Variants in IQGAP2 observed in about 807,000 individuals in gnomAD.
The protein encoded by IQGAP2 is IQ motif containing GTPase activating protein 2.
In IQGAP2, 173 loss-of-function variants were observed where a neutral mutation model predicts 201.3. The observed-to-expected ratio is 0.86, with a 90% CI of 0.76 to 0.98. IQGAP2 has a LOEUF of 0.98. Ranked by LOEUF, IQGAP2 falls within the 50% of genes least tolerant of loss-of-function variation. IQGAP2 has a pLI of 0.00. For missense variants in IQGAP2, 1,687 were observed against 1,864.8 expected (o/e 0.90, Z 1.76); for synonymous variants, 675 against 673.9 (o/e 1.00, Z -0.03).
chr5:76,488,844 G>A (rs1756335936), intron 2 of IQGAP2, among the ~76,000 whole-genome samples: 2 of 152,230 alleles, frequency 1.3e-5, no homozygotes, highest in South Asian at 2.1e-4. Context: ...CTTGGTGTGC[G>A]GGCTTGGGAA....
intron 34 of IQGAP2, among the ~76,000 whole-genome samples, chr5:76,702,088 C>T (rs1039917213): frequency 6.6e-6 from 1 of 152,222 alleles, no homozygotes; most frequent in Non-Finnish European, 1.5e-5. Flanking sequence ...GGATTACAGG[C>T]GTGAGCGACT....
chr5:76,670,958 A>G (rs1316180859), intron 23 of IQGAP2, among the ~76,000 whole-genome samples: 2 of 152,224 alleles, frequency 1.3e-5, no homozygotes, highest in African/African-American at 2.4e-5. Flanking sequence ...CAAATTGCTC[A>G]TCTAAGAAAC....
At position 76,435,049 on chromosome 5, in the gene IQGAP2, C is replaced by CT. The variant is rs1554055477; in HGVS notation, c.47-26511dup. Among the ~76,000 whole-genome samples the CT allele has an allele frequency of 4.6e-4, 64 of 139,204 alleles. 1 individual carries two copies. In the South Asian group the frequency reaches 0.011, roughly 23 times the overall value. 91.3% of individuals were successfully genotyped at this position (139,204 alleles called of 152,430 possible). A position where few individuals can be genotyped will look rare whatever the true frequency, so the allele number is the denominator to read the frequency against. ...CATTTGCTCATTTTTTGATGGGATT[C>CT]TTTTTTTTTTCTTTTTTTTTGCTGA... On this transcript the variant is annotated intron_variant, in intron 1 of 35. Coordinates refer to ENST00000274364, the MANE Select transcript of IQGAP2 (RefSeq NM_006633.5).
intron 5 of IQGAP2, among the ~76,000 whole-genome samples, chr5:76,578,037 C>G (rs1167386077): frequency 1.3e-5 from 2 of 152,200 alleles, no homozygotes; most frequent in Admixed American, 6.5e-5. Context: ...CCTGACCAAA[C>G]TTGTCTCCTA....
chr5:76,502,862 A>G (rs1038548583), intron 2 of IQGAP2, among the ~76,000 whole-genome samples: 1 of 151,740 alleles, frequency 6.6e-6, no homozygotes, highest in African/African-American at 2.4e-5. Context: ...CAGCCTCCCA[A>G]GTAGCTGGGA....
At chr5:76,671,570 C>A (rs939392986) in intron 23 of IQGAP2, among the ~76,000 whole-genome samples, 189 bp from the exon 24 acceptor site, 4 of 151,758 alleles carry the variant, frequency 2.6e-5, no homozygotes, top group Admixed American at 1.3e-4. Flanking sequence ...CACCTGTAGT[C>A]CCAGCTACTC....
At chr5:76,647,482 G>A (rs900677836) in intron 17 of IQGAP2, among the ~76,000 whole-genome samples, 42 of 151,564 alleles carry the variant, frequency 2.8e-4, no homozygotes, top group Admixed American at 9.2e-4. Context: ...TCATGGGGGC[G>A]GTTTCCCCCA....
intron 27 of IQGAP2, among the ~76,000 whole-genome samples, chr5:76,675,389 G>T (rs780626608): frequency 3.0e-4 from 45 of 152,212 alleles, no homozygotes; most frequent in Admixed American, 4.6e-4. Context: ...ACTTGATTTT[G>T]AAAGGTTAGG....
chr5:76,695,460 G>T lies in IQGAP2; in HGVS notation c.4000G>T (p.Asp1334Tyr). ...ETPATAQQEVDHATDMVSRAM... is the reference protein window; with the variant it reads ...ETPATAQQEVYHATDMVSRAM... ...CTTGATATTCTCTTTTCAGGAGGTA[G>T]ACCATGCCACGGACATGGTGAGCCG... The change falls in exon 32 of 36, where the codon GAC becomes TAC. Residue 1334 changes from aspartate (D) to tyrosine (Y), a missense_variant. By Grantham distance (160) the Asp-to-Tyr change is radical. Coordinates refer to ENST00000274364, the MANE Select transcript of IQGAP2 (RefSeq NM_006633.5). 1 of 1,612,844 alleles carries T rather than the reference G, an allele frequency of 6.2e-7. No homozygotes were observed. The highest frequency in any genetic ancestry group is 1.1e-5 in the South Asian group (1 of 91,034).
At chr5:76,564,812 T>C (rs1383276319) in intron 3 of IQGAP2, among the ~76,000 whole-genome samples, 3 of 151,986 alleles carry the variant, frequency 2.0e-5, no homozygotes, top group Admixed American at 1.3e-4. Context: ...GAAGGCCGGG[T>C]GGCACAGAGG....
At chr5:76,443,343 T>C (rs1753162095) in intron 1 of IQGAP2, among the ~76,000 whole-genome samples, 1 of 152,118 alleles carries the variant, frequency 6.6e-6, no homozygotes, top group South Asian at 2.1e-4. Context: ...TTTATGTATG[T>C]GAGAGGATGG....
chr5:76,453,465 A>AT (rs1580224279), intron 1 of IQGAP2, among the ~76,000 whole-genome samples: 1 of 151,892 alleles, frequency 6.6e-6, no homozygotes, highest in African/African-American at 2.4e-5. Flanking sequence ...CTATTTTTTC[A>AT]TTTTTCCTAA....
chr5:76,422,738 T>TAC (rs1370030246), intron 1 of IQGAP2, among the ~76,000 whole-genome samples: 5 of 152,210 alleles, frequency 3.3e-5, no homozygotes. Flanking sequence ...AGGAGGCATG[T>TAC]ACACACAGCT....
intron 35 of IQGAP2, 135 bp downstream of exon 35, chr5:76,702,725 G>GTTCC: frequency 2.5e-6 from 1 of 393,900 alleles, no homozygotes. Context: ...GCCAATATTT[G>GTTCC]TTAAGTGTTG....
chr5:76,403,640 T>G lies in IQGAP2; in HGVS notation c.46+49T>G. On this transcript the variant is annotated intron_variant, in intron 1 of 35. Transcript: ENST00000274364. This position sits in a 1 kb window ranked among gnomAD's most constrained non-coding sequence, Gnocchi z 4.8. ...TTCCTGCTGGCCTTGGGGAGCTCCCTCCCCGAGGACGGCGTTGGAGAAGCC... is the reference window on the plus strand; with the variant it reads ...TTCCTGCTGGCCTTGGGGAGCTCCCGCCCCGAGGACGGCGTTGGAGAAGCC... 2.1e-6 allele frequency: 3 copies of G among 1,416,996 alleles called. No individual in the cohort carries two copies. Among genetic ancestry groups the G allele is most frequent in the Non-Finnish European group, 2.8e-6 (3 of 1,074,432 alleles). The allele number at this position is 1,416,996 out of a possible 1,614,324, so 87.8% of individuals were successfully genotyped here. A position where few individuals can be genotyped will look rare whatever the true frequency, so the allele number is the denominator to read the frequency against.
At chr5:76,537,768 A>G (rs1759712773) in intron 2 of IQGAP2, among the ~76,000 whole-genome samples, 1 of 152,140 alleles carries the variant, frequency 6.6e-6, no homozygotes, top group Non-Finnish European at 1.5e-5. Flanking sequence ...TTGATCTTCT[A>G]TCAACATGCA....
intron 2 of IQGAP2, among the ~76,000 whole-genome samples, chr5:76,466,662 G>T (rs1754800664): frequency 6.6e-6 from 1 of 152,150 alleles, no homozygotes; most frequent in African/African-American, 2.4e-5. Flanking sequence ...ACATAAAAAT[G>T]AATTTGGACC....
At chr5:76,491,934 A>G (rs1756574403) in intron 2 of IQGAP2, among the ~76,000 whole-genome samples, 2 of 152,152 alleles carry the variant, frequency 1.3e-5, no homozygotes, top group African/African-American at 2.4e-5. Flanking sequence ...CCACATGCCC[A>G]GAGTTACTGA....
At chr5:76,527,863 T>C (rs889300898) in intron 2 of IQGAP2, among the ~76,000 whole-genome samples, 3 of 152,244 alleles carry the variant, frequency 2.0e-5, no homozygotes, top group South Asian at 2.1e-4. Context: ...AAGCTCACAT[T>C]GTATCCTGTA....
Sources: allele counts gnomAD v4.1 joint callset (sites outside exome capture counted in the v4.1 genomes callset), GRCh38; gene constraint gnomAD v4.1.1; non-coding constraint Gnocchi (gnomAD v3.1); transcripts MANE v1.5; gene names NCBI Gene and HGNC (gene_info 2026-07-23, HGNC 2026-07-21).